Variants in SEMA3E observed in about 807,000 individuals in gnomAD.
SEMA3E encodes semaphorin-3E.
SEMA3E carries 49 observed loss-of-function variants against 93.6 expected under a neutral mutation model. The ratio of observed to expected loss-of-function variants is 0.52; its 90% CI spans 0.42 to 0.66. The LOEUF (loss-of-function observed/expected upper bound fraction) is 0.66. SEMA3E is among the 30% of genes least tolerant of loss of function. The pLI is 0.00. For synonymous variants in SEMA3E, 363 were observed against 330.7 expected, an observed-to-expected ratio of 1.10 and a Z score of -1.06; for missense variants, 906 against 964.8, an observed-to-expected ratio of 0.94 and a Z score of 0.81.
rs142462931 is a variant in SEMA3E at position 83,397,789 on chromosome 7, A to G, written c.1367-1060T>C. On this transcript the variant is annotated intron_variant, in intron 11 of 16. Coordinates refer to ENST00000643230, the MANE Select transcript of SEMA3E (RefSeq NM_012431.3). ...CTAAGAGTTTCTATGCTATTTCAGC[A>G]GTTTGTTGAAATATTATCAAGTCTT... 2.2e-4 allele frequency among the ~76,000 whole-genome samples: 33 copies of G among 152,318 alleles called. No individual in the cohort carries two copies. In the East Asian group the frequency reaches 5.6e-3, roughly 26 times the overall value.
At chr7:83,414,182 CAA>C (rs1788497541) in intron 5 of SEMA3E, among the ~76,000 whole-genome samples, 1 of 150,634 alleles carries the variant, frequency 6.6e-6, no homozygotes, top group South Asian at 2.1e-4. Context: ...AAACACGAGG[CAA>C]CACATTTGCT....
At chr7:83,604,346 TG>T (rs1476435047) in intron 1 of SEMA3E, among the ~76,000 whole-genome samples, 1 of 151,876 alleles carries the variant, frequency 6.6e-6, no homozygotes, top group Non-Finnish European at 1.5e-5. Flanking sequence ...AGTACTTGAA[TG>T]TTAAAAGTCT....
At chr7:83,554,211 A>G (rs1002931758) in intron 1 of SEMA3E, among the ~76,000 whole-genome samples, 2 of 152,138 alleles carry the variant, frequency 1.3e-5, no homozygotes, top group Non-Finnish European at 2.9e-5. Context: ...ATATTTTTAC[A>G]TTTCATGACC....
intron 1 of SEMA3E, among the ~76,000 whole-genome samples, chr7:83,549,981 C>T (rs1791727184): frequency 6.6e-6 from 1 of 151,950 alleles, no homozygotes; most frequent in African/African-American, 2.4e-5. Context: ...GTCAAAATAC[C>T]CTCGTCTATC....
rs2709926 is a variant in SEMA3E, at chr7:83,400,426, G to T, written c.1144-176C>A. Reference sequence around the variant, plus strand: ...TTTTAACTTTTATTTTAGGTTCAGAGGTACATGTCCAGGTTTGTTATATAG... The same window carrying T: ...TTTTAACTTTTATTTTAGGTTCAGATGTACATGTCCAGGTTTGTTATATAG... On this transcript the variant is annotated intron_variant, in intron 10 of 16. Coordinates refer to ENST00000643230, the MANE Select transcript of SEMA3E (RefSeq NM_012431.3). 0.13 allele frequency among the ~76,000 whole-genome samples: 20,297 copies of T among 151,724 alleles called. 1,823 individuals carry two copies. The highest frequency in any genetic ancestry group is 0.21 in the Non-Finnish European group (13,924 of 67,872).
rs1584227087 is a variant in SEMA3E at position 83,407,219 on chromosome 7, A to T, written c.691T>A (p.Tyr231Asn). Residue 231 changes from tyrosine to asparagine, a missense_variant, in exon 7 of 17, where the codon TAC becomes AAC. Physicochemically the swap from Tyr to Asn is moderately radical, Grantham distance 143 (BLOSUM62 -2). Coordinates refer to ENST00000643230, the MANE Select transcript of SEMA3E (RefSeq NM_012431.3). The stretch of plus-strand genomic sequence containing the variant: ...CTGTCTTCATTGTCAGGAATCATGT[A>T]TGAACCTACAAATTTTGGTTCTATA... Reference protein sequence around the residue: ...LLKEPKFVGSYMIPDNEDRDD... With the variant: ...LLKEPKFVGSNMIPDNEDRDD... 8 of 1,613,244 alleles carry T rather than the reference A, an allele frequency of 5.0e-6. No homozygotes were observed. In the East Asian group the frequency reaches 1.8e-4, roughly 36 times the overall value.
intron 1 of SEMA3E, among the ~76,000 whole-genome samples, chr7:83,504,511 G>C (rs1279989275): frequency 6.6e-6 from 1 of 152,098 alleles, no homozygotes. Context: ...CTAGGTAATA[G>C]GCCCCCTGGG....
At chr7:83,432,203 T>C (rs2722969) in intron 4 of SEMA3E, among the ~76,000 whole-genome samples, 110,721 of 151,804 alleles carry the variant, frequency 0.73, 41,030 homozygotes, top group East Asian at 1. Flanking sequence ...TCTACCAGGC[T>C]CTGAATAAAT....
At chr7:83,633,420 T>C (rs1274131509) in intron 1 of SEMA3E, among the ~76,000 whole-genome samples, 1 of 152,210 alleles carries the variant, frequency 6.6e-6, no homozygotes, top group African/African-American at 2.4e-5. Flanking sequence ...TTCTACCACA[T>C]TTGATTTCTA....
chr7:83,445,941 T>C (rs1246030631), intron 4 of SEMA3E, among the ~76,000 whole-genome samples: 3 of 152,160 alleles, frequency 2.0e-5, no homozygotes, highest in African/African-American at 7.2e-5. Context: ...GAAGGCAGCA[T>C]TGGAGACTTA....
intron 4 of SEMA3E, among the ~76,000 whole-genome samples, chr7:83,458,076 G>A (rs1789526665): frequency 6.6e-6 from 1 of 151,046 alleles, no homozygotes; most frequent in South Asian, 2.1e-4. Flanking sequence ...TATTATATCT[G>A]ATATTTAGAT....
At chr7:83,478,896 A>G (rs967706264) in intron 2 of SEMA3E, among the ~76,000 whole-genome samples, 6 of 152,222 alleles carry the variant, frequency 3.9e-5, no homozygotes, top group Non-Finnish European at 7.3e-5. Context: ...TTTAAATTCT[A>G]ACTGCTACTT....
chr7:83,417,026 G>C (rs1339871846), intron 5 of SEMA3E, among the ~76,000 whole-genome samples: 1 of 150,876 alleles, frequency 6.6e-6, no homozygotes, highest in East Asian at 1.9e-4. Flanking sequence ...GGGAGAGAGA[G>C]AGAGAGAGAG....
chr7:83,627,831 T>C (rs930390074), intron 1 of SEMA3E, among the ~76,000 whole-genome samples: 7 of 152,102 alleles, frequency 4.6e-5, no homozygotes, highest in Non-Finnish European at 1.0e-4. Context: ...AGGTTAATAT[T>C]GTTACATGTG....
At chr7:83,623,907 A>G (rs1385949342) in intron 1 of SEMA3E, among the ~76,000 whole-genome samples, 1 of 121,586 alleles carries the variant, frequency 8.2e-6, no homozygotes, top group Non-Finnish European at 1.6e-5. Context: ...CCAGTGTGTG[A>G]TGATCCCCTC....
chr7:83,541,492 A>ACT (rs3834348), intron 1 of SEMA3E, among the ~76,000 whole-genome samples: 33,488 of 151,896 alleles, frequency 0.22, 3,872 homozygotes, highest in East Asian at 0.39. Flanking sequence ...TGGGAGCCTC[A>ACT]CTCTCTGTCA....
chr7:83,441,614 A>G (rs561866883), intron 4 of SEMA3E, among the ~76,000 whole-genome samples: 1 of 152,314 alleles, frequency 6.6e-6, no homozygotes, highest in Non-Finnish European at 1.5e-5. Flanking sequence ...TGCTTTATTT[A>G]CATTAATTTA....
intron 1 of SEMA3E, among the ~76,000 whole-genome samples, chr7:83,632,674 C>G (rs184171079): frequency 6.6e-6 from 1 of 152,208 alleles, no homozygotes; most frequent in East Asian, 1.9e-4. Context: ...AGTTTATCAG[C>G]AGGATGAAAA....
Position 83,548,586 on chromosome 7 carries a change from C to T in SEMA3E, c.116-58312G>A, listed in dbSNP as rs373317612. Among the ~76,000 whole-genome samples, 12 of 151,976 alleles carry T rather than the reference C, an allele frequency of 7.9e-5. 1 individual carries two copies. The highest frequency in any genetic ancestry group is 6.6e-5 in the Admixed American group (1 of 15,214). On this transcript the variant is annotated intron_variant, in intron 1 of 16. Transcript: ENST00000643230. ...AGAAAGAGTATTTGGTAAGTGGATCCTTTGGTCTTTGGTCCACCTGGTCAC... is the reference window on the plus strand; with the variant it reads ...AGAAAGAGTATTTGGTAAGTGGATCTTTTGGTCTTTGGTCCACCTGGTCAC...
Sources: gnomAD v4.1 joint callset for allele counts (sites outside exome capture counted in the v4.1 genomes callset) on GRCh38, gnomAD v4.1.1 for gene constraint, MANE v1.5 for transcripts, NCBI Gene and HGNC (gene_info 2026-07-23, HGNC 2026-07-21) for gene names.